Variants in RAB27A observed in about 807,000 individuals in gnomAD.
RAB27A encodes RAB27A, member RAS oncogene family.
In RAB27A, 17 loss-of-function variants were observed where a neutral mutation model predicts 20.8. The observed-to-expected ratio is 0.82, with a 90% CI of 0.56 to 1.23. The LOEUF (loss-of-function observed/expected upper bound fraction) is 1.23, where lower values mean the gene tolerates loss of function less well. Among genes scored for constraint, RAB27A ranks in the 50% most tolerant of loss-of-function variants. The probability of loss-of-function intolerance (pLI) is 0.00; values close to 1 mark genes in which losing one functional copy is unlikely to be tolerated. For missense variants in RAB27A, 277 were observed against 266.7 expected, an observed-to-expected ratio of 1.04 and a Z score of -0.27; for synonymous variants, 85 against 92.8, an observed-to-expected ratio of 0.92 and a Z score of 0.48.
At chr15:55,212,751 G>T (rs1175014702) in intron 6 of RAB27A, among the ~76,000 whole-genome samples, 1 of 151,994 alleles carries the variant, frequency 6.6e-6, no homozygotes, top group Admixed American at 6.6e-5. Context: ...GGATGGTCTC[G>T]ATCTCCTGAC....
At chr15:55,302,121 G>A (rs2054974685) in intron 2 of RAB27A, among the ~76,000 whole-genome samples, 1 of 150,088 alleles carries the variant, frequency 6.7e-6, no homozygotes, top group Admixed American at 6.6e-5. Context: ...AGGTTGCAGT[G>A]AGTCAAGATC....
chr15:55,229,504 C>T (rs1720897759), intron 4 of RAB27A, among the ~76,000 whole-genome samples: 1 of 151,948 alleles, frequency 6.6e-6, no homozygotes, highest in Admixed American at 6.6e-5. Flanking sequence ...GGAGAAACCC[C>T]AACTCTACTA....
chr15:55,300,742 G>A (rs538451412), intron 2 of RAB27A, among the ~76,000 whole-genome samples: 9 of 152,238 alleles, frequency 5.9e-5, no homozygotes, highest in Admixed American at 1.3e-4. Flanking sequence ...GGCAGGGGGC[G>A]AGGGCAGGAT....
upstream of RAB27A, among the ~76,000 whole-genome samples, chr15:55,294,316 G>A (rs762473588): frequency 1.4e-4 from 21 of 152,064 alleles, no homozygotes; most frequent in South Asian, 8.3e-4. Context: ...GGCCTGGCGC[G>A]GTAGCTCACG....
intron 1 of RAB27A, among the ~76,000 whole-genome samples, chr15:55,280,183 C>A (rs928963726): frequency 1.1e-4 from 17 of 152,204 alleles, no homozygotes; most frequent in Admixed American, 1.1e-3. Flanking sequence ...ATTTCCGAGG[C>A]TGTGCTGCCT....
intron 2 of RAB27A, among the ~76,000 whole-genome samples, chr15:55,296,149 C>G (rs1052315195): frequency 4.0e-5 from 6 of 151,366 alleles, no homozygotes; most frequent in African/African-American, 1.2e-4. Flanking sequence ...CCACCTTGGC[C>G]TCCCAAAGTG....
chr15:55,316,104 C>T (rs1595758860), intron 1 of RAB27A, among the ~76,000 whole-genome samples: 1 of 151,958 alleles, frequency 6.6e-6, no homozygotes, highest in East Asian at 1.9e-4. Flanking sequence ...TGGTGGTGCA[C>T]ACATGTAGTC....
At chr15:55,281,132 T>G (rs974829100) in intron 1 of RAB27A, among the ~76,000 whole-genome samples, 35 of 152,194 alleles carry the variant, frequency 2.3e-4, no homozygotes, top group Non-Finnish European at 4.3e-4. Context: ...GTGAGCATGT[T>G]TTAAACAAAA....
chr15:55,268,661 C>T (rs1049854820), intron 2 of RAB27A, among the ~76,000 whole-genome samples: 2 of 152,196 alleles, frequency 1.3e-5, no homozygotes, highest in African/African-American at 4.8e-5. Context: ...GGTTAGTAGA[C>T]AGGAACCATG....
chr15:55,317,991 T>C, intron 1 of RAB27A: 1 of 337,018 alleles, frequency 3.0e-6, no homozygotes, highest in Non-Finnish European at 5.3e-6. Context: ...AAAACAAGAA[T>C]ATAAATACAT....
intron 2 of RAB27A, among the ~76,000 whole-genome samples, chr15:55,296,936 ACTGTCAAC>A (rs2141140816): frequency 6.6e-6 from 1 of 152,312 alleles, no homozygotes; most frequent in South Asian, 2.1e-4. Flanking sequence ...ATCCCAGGGC[ACTGTCAAC>A]CTAAAAAAAA....
At chr15:55,257,570 T>C (rs1194241499) in intron 2 of RAB27A, among the ~76,000 whole-genome samples, 2 of 152,216 alleles carry the variant, frequency 1.3e-5, no homozygotes, top group African/African-American at 2.4e-5. Context: ...AAAGGAAATG[T>C]CAGGGAAGAC....
At chr15:55,280,660 T>TC (rs1368908990) in intron 1 of RAB27A, among the ~76,000 whole-genome samples, 2 of 151,486 alleles carry the variant, frequency 1.3e-5, no homozygotes. Context: ...CCTCCCCCAG[T>TC]CCCCACCCCC....
chr15:55,210,087 C>CTT (rs1566896865), intron 6 of RAB27A, among the ~76,000 whole-genome samples: 1 of 129,088 alleles, frequency 7.7e-6, no homozygotes, highest in African/African-American at 3.3e-5. Flanking sequence ...CATATATACA[C>CTT]ATATATGTGT....
chr15:55,215,651 C>CAAAAAAAAAAA (rs562538229), intron 6 of RAB27A, among the ~76,000 whole-genome samples: 6 of 76,604 alleles, frequency 7.8e-5, no homozygotes, highest in Admixed American at 2.6e-4. Flanking sequence ...GACTCCGTCT[C>CAAAAAAAAAAA]AAAAAAAAAA....
intron 2 of RAB27A, among the ~76,000 whole-genome samples, chr15:55,262,546 A>AT (rs970691434): frequency 3.5e-4 from 2 of 5,744 alleles, no homozygotes; most frequent in Non-Finnish European, 9.7e-4. Context: ...TGACTCAAAG[A>AT]AAAAAAAAAA....
chr15:55,272,125 G>A (rs1477192541), intron 1 of RAB27A, among the ~76,000 whole-genome samples: 1 of 152,116 alleles, frequency 6.6e-6, no homozygotes, highest in African/African-American at 2.4e-5. Flanking sequence ...CAACCATCAG[G>A]ATATATAGGA....
At chr15:55,264,093 T>A (rs1291379780) in intron 2 of RAB27A, among the ~76,000 whole-genome samples, 2 of 152,202 alleles carry the variant, frequency 1.3e-5, no homozygotes, top group Admixed American at 6.5e-5. Flanking sequence ...TCACCCAGGC[T>A]GGAGTTGGAG....
chr15:55,249,876 C>A (rs946523870), intron 2 of RAB27A, among the ~76,000 whole-genome samples: 1 of 152,138 alleles, frequency 6.6e-6, no homozygotes, highest in African/African-American at 2.4e-5. Flanking sequence ...TAAATTTGTG[C>A]TTTTCAGTCT....
Sources: allele counts gnomAD v4.1 joint callset (sites outside exome capture counted in the v4.1 genomes callset), GRCh38; gene constraint gnomAD v4.1.1; transcripts MANE v1.5; gene names NCBI Gene and HGNC (gene_info 2026-07-23, HGNC 2026-07-21).